Variants in FAM171B observed in about 807,000 individuals in gnomAD.
FAM171B encodes the protein protein FAM171B.
Under a neutral mutation model 75.6 loss-of-function variants are expected in FAM171B, and 19 were observed. That is an observed-to-expected ratio of 0.25 (90% CI 0.18 to 0.37). The LOEUF (loss-of-function observed/expected upper bound fraction) is 0.37, where lower values mean the gene tolerates loss of function less well. Among genes scored for constraint, FAM171B ranks in the 10% least tolerant of loss-of-function variants. FAM171B has a pLI of 1.00. For missense variants in FAM171B, 848 were observed against 982.4 expected, an observed-to-expected ratio of 0.86 and a Z score of 1.83; for synonymous variants, 367 against 361.7, an observed-to-expected ratio of 1.01 and a Z score of -0.17.
rs766107696 is a variant in FAM171B, at chr2:186,762,853, C to A, written c.*30C>A. 1.3e-6 allele frequency: 2 copies of A among 1,576,474 alleles called. No individual in the cohort carries two copies. Among genetic ancestry groups the A allele is most frequent in the South Asian group, 1.2e-5 (1 of 83,934 alleles). On this transcript the variant is annotated 3_prime_UTR_variant, in exon 8 of 8. Coordinates refer to ENST00000304698, the MANE Select transcript of FAM171B (RefSeq NM_177454.4). The surrounding 1 kb of genome is among the most constrained non-coding windows in gnomAD (Gnocchi z 4.0). ...AATGGGGATTGTGTGTCTGCTGTCT[C>A]GTGCTGTTTATTCTTGCTTCTTGTT...
intron 1 of FAM171B, among the ~76,000 whole-genome samples, chr2:186,714,381 C>T (rs566450225): frequency 1.4e-4 from 21 of 152,164 alleles, no homozygotes; most frequent in East Asian, 5.8e-4. Flanking sequence ...CAACACTTTA[C>T]GTGACTTTTG....
At chr2:186,761,000 G>A (rs1574115506) in intron 6 of FAM171B, 113 bp from the exon 7 acceptor site, 2 of 1,115,476 alleles carry the variant, frequency 1.8e-6, no homozygotes, top group Non-Finnish European at 2.5e-6. Flanking sequence ...ATAGGAGGGG[G>A]GCAAACAAAT....
At chr2:186,739,943 G>A (rs1016261256) in intron 1 of FAM171B, among the ~76,000 whole-genome samples, 3 of 152,136 alleles carry the variant, frequency 2.0e-5, no homozygotes, top group South Asian at 4.1e-4. Flanking sequence ...TGGCCATGAC[G>A]TCACTAGGCA....
chr2:186,694,367 A>T lies in FAM171B; in HGVS notation c.194A>T (p.Glu65Val). ...AAGCAGCTGGAGGAGGCTGAGGAGG[A>T]GAGGACAGAGGTGCCTGGGGCAACC... is the stretch of plus-strand genomic sequence containing the variant. ...QQKQLEEAEE[E>V]RTEVPGATST... The change falls in exon 1 of 8, where the codon GAG becomes GTG. Residue 65 changes from glutamate to valine, a missense_variant. This residue lies in a region of FAM171B where 665 missense variants were observed against 729.0 expected (regional missense o/e 0.91). Coordinates refer to ENST00000304698, the MANE Select transcript of FAM171B (RefSeq NM_177454.4). 1.2e-6 allele frequency: 2 copies of T among 1,612,966 alleles called. No homozygotes were observed. The highest frequency in any genetic ancestry group is 1.7e-6 in the Non-Finnish European group (2 of 1,179,616).
At chr2:186,731,333 G>A (rs1690109982) in intron 1 of FAM171B, among the ~76,000 whole-genome samples, 1 of 152,212 alleles carries the variant, frequency 6.6e-6, no homozygotes, top group South Asian at 2.1e-4. Context: ...GCTTCTGGAA[G>A]GAGAGGGACT....
At chr2:186,694,796 G>T (rs1265602844) in intron 1 of FAM171B, among the ~76,000 whole-genome samples, 1 of 113,000 alleles carries the variant, frequency 8.8e-6, no homozygotes, top group Non-Finnish European at 1.9e-5. Flanking sequence ...CACACACACC[G>T]TTCTTAAATC....
chr2:186,707,916 T>C lies in FAM171B; in HGVS notation c.238+13505T>C, dbSNP rs1689755092. ...TCTGTTATGCACTCTCAGAGGCATC[T>C]CCTACTTGTGAAAGGTCTGTAATTA... is the stretch of plus-strand genomic sequence containing the variant. On this transcript the variant is annotated intron_variant, in intron 1 of 7. Coordinates refer to ENST00000304698, the MANE Select transcript of FAM171B (RefSeq NM_177454.4). Among the ~76,000 whole-genome samples the C allele has an allele frequency of 2.0e-5, 3 of 151,948 alleles. No individual in the cohort carries two copies. The South Asian group carries it at 6.2e-4, about 31-fold the overall frequency.
rs763775429 is a variant in FAM171B at position 186,761,694 on chromosome 2, T to A, written c.1352T>A (p.Val451Asp). 1.9e-6 allele frequency: 3 copies of A among 1,612,112 alleles called. No homozygotes were observed. The highest frequency in any genetic ancestry group is 1.1e-5 in the South Asian group (1 of 90,726). The change falls in exon 8 of 8, where the codon GTT becomes GAT. Residue 451 changes from valine to aspartate, a missense_variant. Val to Asp is a radical substitution (Grantham distance 152, BLOSUM62 -3). Around this residue, in one of 3 missense-constraint regions of FAM171B, gnomAD observed 665 missense variants for 729.0 expected, o/e 0.91. Transcript: ENST00000304698. ...EPSKAETEER[V>D]SMVKTRDDFK... ...TCAAAGGCAGAAACAGAAGAAAGAG[T>A]TTCCATGGTAAAAACTCGGGACGAT...
rs141586969 is a variant in FAM171B at position 186,762,250 on chromosome 2, A to G, written c.1908A>G (p.Thr636=). ...SLLESVSVPG[T]LNEAVVMTPF... ...TGGAATCCGTCTCTGTTCCTGGAAC[A>G]CTAAATGAGGCTGTTGTAATGACTC... The change falls in exon 8 of 8, where the codon ACA becomes ACG. Residue 636 remains threonine, a synonymous_variant. Coordinates refer to ENST00000304698, the MANE Select transcript of FAM171B (RefSeq NM_177454.4). This position sits in a 1 kb window ranked among gnomAD's most constrained non-coding sequence, Gnocchi z 4.0. The G allele has an allele frequency of 6.2e-7, 1 of 1,613,590 alleles. No individual in the cohort carries two copies. Among genetic ancestry groups the G allele is most frequent in the African/African-American group, 1.3e-5 (1 of 74,856 alleles).
At chr2:186,736,538 CTGTGTGTGTGTG>C (rs10660120) in intron 1 of FAM171B, among the ~76,000 whole-genome samples, 1 of 122,978 alleles carries the variant, frequency 8.1e-6, no homozygotes, top group South Asian at 2.9e-4. Context: ...ATGTTTGTGG[CTGTGTGTGTGTG>C]TGTGTGTGTG....
rs201412637 is a variant in FAM171B, at chr2:186,747,771, CAT to C, written c.724+526_724+527del. 4.3e-3 allele frequency among the ~76,000 whole-genome samples: 658 copies of C among 152,148 alleles called. 6 individuals are homozygous for C. Among genetic ancestry groups the C allele is most frequent in the African/African-American group, 0.013 (543 of 41,520 alleles). ...TATGTATTCTAGAGTCAACAGCACT[CAT>C]ATATTTCTATAAGGCTGTCATAATA... On this transcript the variant is annotated intron_variant, in intron 4 of 7. Transcript: ENST00000304698.
chr2:186,702,852 A>G (rs367872583), intron 1 of FAM171B, among the ~76,000 whole-genome samples: 4 of 152,246 alleles, frequency 2.6e-5, no homozygotes, highest in South Asian at 4.1e-4. Flanking sequence ...CACCAAAAGT[A>G]AGATTTAAAA....
chr2:186,736,567 G>GTGTGGGAGAGA (rs55683607), intron 1 of FAM171B, among the ~76,000 whole-genome samples: 3 of 104,628 alleles, frequency 2.9e-5, no homozygotes, highest in Non-Finnish European at 6.1e-5. Context: ...TGTGTGTGTG[G>GTGTGGGAGAGA]GAGAGAGAGA....
At chr2:186,703,361 A>G (rs1199135936) in intron 1 of FAM171B, among the ~76,000 whole-genome samples, 2 of 152,226 alleles carry the variant, frequency 1.3e-5, no homozygotes, top group Admixed American at 1.3e-4. Flanking sequence ...TTATGTGAGC[A>G]GTTGACCAGT....
At chr2:186,700,495 G>A (rs1214711055) in intron 1 of FAM171B, among the ~76,000 whole-genome samples, 1 of 152,100 alleles carries the variant, frequency 6.6e-6, no homozygotes, top group Non-Finnish European at 1.5e-5. Context: ...TCACAAAATG[G>A]AATCCATGGC....
chr2:186,729,703 T>C (rs1690085915), intron 1 of FAM171B, among the ~76,000 whole-genome samples: 1 of 152,208 alleles, frequency 6.6e-6, no homozygotes, highest in African/African-American at 2.4e-5. Context: ...CTGCTTTTGC[T>C]GTGGCTTGTG....
rs750567387 is a variant in FAM171B, at chr2:186,732,630, C to T, written c.239-7598C>T. ...TTCAAATGCACGGTTTGATTTTTGA[C>T]TTGGGGTCTTATGTGTTGGCAGCTT... On this transcript the variant is annotated intron_variant, in intron 1 of 7. Coordinates refer to ENST00000304698, the MANE Select transcript of FAM171B (RefSeq NM_177454.4). Among the ~76,000 whole-genome samples the T allele has an allele frequency of 1.1e-4, 16 of 152,208 alleles. 1 individual carries two copies. Among genetic ancestry groups the T allele is most frequent in the Non-Finnish European group, 2.2e-4 (15 of 68,040 alleles).
chr2:186,703,071 A>C (rs1485889971), intron 1 of FAM171B, among the ~76,000 whole-genome samples: 1 of 122,508 alleles, frequency 8.2e-6, no homozygotes, highest in Non-Finnish European at 1.7e-5. Context: ...GTGTATATAT[A>C]TATATACACA....
At chr2:186,726,463 T>A (rs1468668537) in intron 1 of FAM171B, among the ~76,000 whole-genome samples, 1 of 152,132 alleles carries the variant, frequency 6.6e-6, no homozygotes, top group African/African-American at 2.4e-5. Context: ...GATTAAACCC[T>A]TTCCACCCCA....
Sources: allele counts gnomAD v4.1 joint callset (sites outside exome capture counted in the v4.1 genomes callset), GRCh38; gene constraint gnomAD v4.1.1; regional missense constraint gnomAD v4.1.1; non-coding constraint Gnocchi (gnomAD v3.1); transcripts MANE v1.5; gene names NCBI Gene and HGNC (gene_info 2026-07-23, HGNC 2026-07-21).